Variants in BAZ2B observed in about 807,000 individuals in gnomAD.
BAZ2B encodes the protein bromodomain adjacent to zinc finger domain 2B.
A neutral mutation model predicts 246.0 loss-of-function variants in BAZ2B; 91 were observed. The observed-to-expected ratio is 0.37, with a 90% CI of 0.31 to 0.44. The LOEUF is 0.44. Ranked by LOEUF, BAZ2B falls within the 20% of genes least tolerant of loss-of-function variation. The pLI is 1.00. For missense variants in BAZ2B, 2,332 were observed against 2,533.7 expected (o/e 0.92, Z 1.71); for synonymous variants, 855 against 860.0 (o/e 0.99, Z 0.10).
At chr2:159,596,223 G>A (rs1429750686) in intron 1 of BAZ2B, among the ~76,000 whole-genome samples, 1 of 152,092 alleles carries the variant, frequency 6.6e-6, no homozygotes, top group Non-Finnish European at 1.5e-5. Flanking sequence ...ATTGTACATA[G>A]GTTGTAAGTC....
chr2:159,697,548 C>T, the BAZ2B span, among the ~76,000 whole-genome samples: 1 of 152,136 alleles, frequency 6.6e-6, no homozygotes, highest in Non-Finnish European at 1.5e-5. Flanking sequence ...TATATTTAAA[C>T]AGTCAAGTTC....
the BAZ2B span, among the ~76,000 whole-genome samples, chr2:159,672,767 T>C: frequency 2.6e-4 from 39 of 152,098 alleles, no homozygotes; most frequent in Admixed American, 3.3e-4. Context: ...AGAGGAAAAA[T>C]GCACTTTTTG....
the BAZ2B span, among the ~76,000 whole-genome samples, chr2:159,700,570 C>T: frequency 1.3e-5 from 2 of 152,130 alleles, no homozygotes; most frequent in Admixed American, 6.5e-5. Flanking sequence ...CTCAGCCTCT[C>T]GAGTAGCTGG....
At chr2:159,584,784 G>A (rs1434506385) in intron 1 of BAZ2B, among the ~76,000 whole-genome samples, 1 of 152,156 alleles carries the variant, frequency 6.6e-6, no homozygotes, top group Non-Finnish European at 1.5e-5. Context: ...GGAGGTGATT[G>A]GATCATAGGG....
At chr2:159,565,314 TG>T (rs1236319541) in intron 1 of BAZ2B, among the ~76,000 whole-genome samples, 1 of 152,226 alleles carries the variant, frequency 6.6e-6, no homozygotes, top group Non-Finnish European at 1.5e-5. Flanking sequence ...AGTATTGCTC[TG>T]AAGGGTGGTA....
chr2:159,642,494 C>A, the BAZ2B span, among the ~76,000 whole-genome samples: 1 of 152,016 alleles, frequency 6.6e-6, no homozygotes, highest in African/African-American at 2.4e-5. Context: ...CCGCCTCGGC[C>A]TCCCAAAGTG....
intron 14 of BAZ2B, among the ~76,000 whole-genome samples, chr2:159,407,480 C>T (rs62171543): frequency 1.3e-5 from 2 of 152,062 alleles, no homozygotes; most frequent in Non-Finnish European, 2.9e-5. Flanking sequence ...AAAGAAACCC[C>T]AGGACTTTCT....
intron 2 of BAZ2B, among the ~76,000 whole-genome samples, chr2:159,519,464 T>C (rs2083872624): frequency 1.3e-5 from 2 of 148,836 alleles, no homozygotes; most frequent in Admixed American, 6.7e-5. Context: ...TCTCCTGACC[T>C]CATGATCCAC....
the BAZ2B span, among the ~76,000 whole-genome samples, chr2:159,681,939 T>A: frequency 5.3e-5 from 8 of 151,812 alleles, no homozygotes; most frequent in African/African-American, 1.2e-4. Context: ...AAAATAAATT[T>A]AAAAAAAGAT....
intron 22 of BAZ2B, among the ~76,000 whole-genome samples, chr2:159,385,873 G>A (rs559269210): frequency 3.9e-5 from 6 of 152,142 alleles, no homozygotes; most frequent in Non-Finnish European, 8.8e-5. Flanking sequence ...CTAGAGCAAA[G>A]CTCCCTGGAA....
the BAZ2B span, among the ~76,000 whole-genome samples, chr2:159,666,958 T>C: frequency 6.6e-6 from 1 of 151,910 alleles, no homozygotes; most frequent in Non-Finnish European, 1.5e-5. Context: ...AGGATAGCAT[T>C]AGGAGAAATA....
the BAZ2B span, among the ~76,000 whole-genome samples, chr2:159,629,956 T>C: frequency 6.6e-6 from 1 of 152,168 alleles, no homozygotes; most frequent in African/African-American, 2.4e-5. Context: ...GTATAGTATG[T>C]CACCATTCAT....
At chr2:159,557,272 G>T (rs1266302217) in intron 1 of BAZ2B, among the ~76,000 whole-genome samples, 1 of 148,034 alleles carries the variant, frequency 6.8e-6, no homozygotes, top group Non-Finnish European at 1.5e-5. Context: ...GCCCAGGCTG[G>T]TCTCAAACTC....
chr2:159,515,225 T>C (rs965306854), intron 2 of BAZ2B, among the ~76,000 whole-genome samples: 8 of 152,136 alleles, frequency 5.3e-5, no homozygotes, highest in East Asian at 1.9e-4. Flanking sequence ...AATACATATA[T>C]ACATACATTC....
chr2:159,397,492 G>A, intron 18 of BAZ2B, 103 bp from the exon 19 acceptor site: 1 of 666,928 alleles, frequency 1.5e-6, no homozygotes, highest in Non-Finnish European at 2.4e-6. Flanking sequence ...TTTTCATTAG[G>A]TTGAACCATA....
At chr2:159,501,184 T>TTATATA (rs1553681049) in intron 2 of BAZ2B, among the ~76,000 whole-genome samples, 1 of 80,804 alleles carries the variant, frequency 1.2e-5, no homozygotes, top group Non-Finnish European at 2.5e-5. Flanking sequence ...TTATATATAT[T>TTATATA]TATATATAAT....
intron 3 of BAZ2B, among the ~76,000 whole-genome samples, chr2:159,475,399 A>G (rs1453049511): frequency 6.6e-6 from 1 of 152,076 alleles, no homozygotes; most frequent in African/African-American, 2.4e-5. Context: ...TTTCAGCTCC[A>G]TCAGGTCATT....
chr2:159,366,693 A>T (rs1417348364), intron 27 of BAZ2B, among the ~76,000 whole-genome samples: 1 of 152,228 alleles, frequency 6.6e-6, no homozygotes. Context: ...CATGAGTAAT[A>T]TTAGAGAATT....
At chr2:159,675,704 C>T in the BAZ2B span, among the ~76,000 whole-genome samples, 2 of 152,098 alleles carry the variant, frequency 1.3e-5, no homozygotes, top group African/African-American at 2.4e-5. Context: ...AAGAATATAA[C>T]GAAATCCCAG....
Sources: gnomAD v4.1 joint callset for allele counts (sites outside exome capture counted in the v4.1 genomes callset) on GRCh38, gnomAD v4.1.1 for gene constraint, MANE v1.5 for transcripts, NCBI Gene and HGNC (gene_info 2026-07-23, HGNC 2026-07-21) for gene names.